TSNARE1: variants seen among roughly 807,000 people sequenced by gnomAD.
TSNARE1 encodes t-SNARE domain-containing protein 1.
A neutral mutation model predicts 62.0 loss-of-function variants in TSNARE1; 49 were observed. The observed-to-expected ratio is 0.79, with a 90% CI of 0.63 to 1.00. The LOEUF (loss-of-function observed/expected upper bound fraction) is 1.00. TSNARE1 is among the 50% of genes least tolerant of loss of function. TSNARE1 has a pLI of 0.00. For synonymous variants in TSNARE1, 328 were observed against 294.4 expected, an observed-to-expected ratio of 1.11 and a Z score of -1.17; for missense variants, 755 against 700.1, an observed-to-expected ratio of 1.08 and a Z score of -0.88.
At chr8:142,232,737 G>A (rs1461997338) in intron 12 of TSNARE1, among the ~76,000 whole-genome samples, 2 of 152,224 alleles carry the variant, frequency 1.3e-5, no homozygotes, top group African/African-American at 4.8e-5. Flanking sequence ...GGGAAGAGGC[G>A]GGCGCAGGCG....
At chr8:142,366,041 T>C in intron 1 of TSNARE1, 1 of 381,186 alleles carries the variant, frequency 2.6e-6, no homozygotes, top group Non-Finnish European at 5.1e-6. Flanking sequence ...ATTTTTCTGA[T>C]TGCTTTTTTT....
At chr8:142,325,214 A>C (rs6983790) in intron 6 of TSNARE1, among the ~76,000 whole-genome samples, 26 of 151,950 alleles carry the variant, frequency 1.7e-4, no homozygotes, top group African/African-American at 6.0e-4. Context: ...AGGCCGTGGG[A>C]CTGGAGGGGG....
At chr8:142,347,189 G>A (rs997043020) in intron 2 of TSNARE1, among the ~76,000 whole-genome samples, 5 of 152,240 alleles carry the variant, frequency 3.3e-5, no homozygotes, top group East Asian at 3.9e-4. Context: ...GGAGGTTTCC[G>A]CAGGGCAGAG....
At chr8:142,285,041 C>G (rs1017751978) in intron 10 of TSNARE1, among the ~76,000 whole-genome samples, 1 of 152,108 alleles carries the variant, frequency 6.6e-6, no homozygotes, top group South Asian at 2.1e-4. Context: ...GATAGATGGA[C>G]GAACGGGTTC....
intron 13 of TSNARE1, among the ~76,000 whole-genome samples, chr8:142,224,917 T>C (rs1195196055): frequency 2.6e-5 from 4 of 152,118 alleles, no homozygotes; most frequent in Non-Finnish European, 5.9e-5. Flanking sequence ...GTAGCCCTGA[T>C]TGATCCCTAG....
chr8:142,269,932 A>G, intron 12 of TSNARE1: 1 of 985,418 alleles, frequency 1.0e-6, no homozygotes, highest in Non-Finnish European at 1.2e-6. Context: ...AAACGAGGAA[A>G]AGGCCCCTCT....
At chr8:142,214,143 T>A (rs966443344) in intron 13 of TSNARE1, among the ~76,000 whole-genome samples, 3 of 151,966 alleles carry the variant, frequency 2.0e-5, no homozygotes, top group African/African-American at 4.8e-5. Context: ...ATAGCCAAGG[T>A]CCAGGGAGCA....
chr8:142,406,204 C>G (rs926888098), upstream of TSNARE1: 1 of 152,306 alleles, frequency 6.6e-6, no homozygotes, highest in Non-Finnish European at 1.5e-5. Flanking sequence ...CCTTGGTGCC[C>G]CAATGGCACC....
chr8:142,279,611 C>A (rs913985127), intron 11 of TSNARE1, among the ~76,000 whole-genome samples: 1 of 152,232 alleles, frequency 6.6e-6, no homozygotes, highest in Non-Finnish European at 1.5e-5. Flanking sequence ...AGGGAGGACC[C>A]TGAGCTGGAA....
At chr8:142,279,747 C>G in intron 11 of TSNARE1, 1 of 435,874 alleles carries the variant, frequency 2.3e-6, no homozygotes, top group Non-Finnish European at 3.1e-6. Context: ...GGGTCTCCCT[C>G]GGAGGGTCTC....
At chr8:142,370,624 G>A (rs1835854469) in intron 1 of TSNARE1, among the ~76,000 whole-genome samples, 1 of 151,624 alleles carries the variant, frequency 6.6e-6, no homozygotes, top group Non-Finnish European at 1.5e-5. Flanking sequence ...GAACACTACA[G>A]AAAATAAATA....
At chr8:142,304,290 T>C (rs573925779) in intron 9 of TSNARE1, among the ~76,000 whole-genome samples, 1 of 149,098 alleles carries the variant, frequency 6.7e-6, no homozygotes, top group East Asian at 1.9e-4. Flanking sequence ...GCCTCCTTCC[T>C]ACGGCTCCAG....
At chr8:142,330,743 C>T (rs1457933154) in intron 6 of TSNARE1, among the ~76,000 whole-genome samples, 158 bp downstream of exon 6, 2 of 151,530 alleles carry the variant, frequency 1.3e-5, no homozygotes, top group Non-Finnish European at 1.5e-5. Flanking sequence ...GGCTTATCCG[C>T]AGGCGTGTGT....
intron 1 of TSNARE1, among the ~76,000 whole-genome samples, chr8:142,382,784 C>T (rs1779432544): frequency 6.6e-6 from 1 of 152,256 alleles, no homozygotes; most frequent in Admixed American, 6.5e-5. Context: ...GGCCAGTGGC[C>T]GTCACTTCAG....
At chr8:142,344,939 C>T (rs927829940) in intron 3 of TSNARE1, among the ~76,000 whole-genome samples, 1 of 152,216 alleles carries the variant, frequency 6.6e-6, no homozygotes, top group Non-Finnish European at 1.5e-5. Flanking sequence ...CCTCTGAGCA[C>T]AGGCCTCGGC....
Position 142,291,533 on chromosome 8 carries a change from C to T in TSNARE1, c.1291-7048G>A, listed in dbSNP as rs576330523. Reference sequence around the variant, plus strand: ...GCCCCCGACCCAGCCCTCCTCCACCCACCCCACCCAGCACTGCCACCCACC... The same window carrying T: ...GCCCCCGACCCAGCCCTCCTCCACCTACCCCACCCAGCACTGCCACCCACC... On this transcript the variant is annotated intron_variant, in intron 10 of 13. Transcript: ENST00000524325. This position sits in a 1 kb window ranked among gnomAD's most constrained non-coding sequence, Gnocchi z 4.8. 6.6e-6 allele frequency among the ~76,000 whole-genome samples: 1 copy of T among 152,248 alleles called. No homozygotes were observed. Among genetic ancestry groups the T allele is most frequent in the East Asian group, 1.9e-4 (1 of 5,136 alleles).
At chr8:142,218,976 A>G (rs1816078925) in intron 13 of TSNARE1, among the ~76,000 whole-genome samples, 2 of 152,206 alleles carry the variant, frequency 1.3e-5, no homozygotes, top group Admixed American at 1.3e-4. Context: ...GAGTCTTGCC[A>G]AGCCCATCTC....
chr8:142,280,278 C>T, intron 11 of TSNARE1: 2 of 985,336 alleles, frequency 2.0e-6, no homozygotes, highest in Non-Finnish European at 2.4e-6. Context: ...CCGCGGCCGG[C>T]TCGGGGCTGC....
intron 1 of TSNARE1, among the ~76,000 whole-genome samples, chr8:142,379,414 C>T (rs1020828648): frequency 1.3e-5 from 2 of 152,174 alleles, no homozygotes; most frequent in Non-Finnish European, 2.9e-5. Flanking sequence ...GCACGCTGGC[C>T]GAGGGGCTAC....
Sources: gnomAD v4.1 joint callset for allele counts (sites outside exome capture counted in the v4.1 genomes callset) on GRCh38, gnomAD v4.1.1 for gene constraint, Gnocchi (gnomAD v3.1) non-coding constraint, MANE v1.5 for transcripts, NCBI Gene and HGNC (gene_info 2026-07-23, HGNC 2026-07-21) for gene names.